The following PCNX2 variants were observed in gnomAD, a reference collection of about 807,000 sequenced individuals.
PCNX2 encodes the protein pecanex 2.
A neutral mutation model predicts 223.8 loss-of-function variants in PCNX2; 168 were observed. That is an observed-to-expected ratio of 0.75 (90% CI 0.66 to 0.85). PCNX2 has a LOEUF of 0.85. Ranked by LOEUF, PCNX2 falls within the 40% of genes least tolerant of loss-of-function variation. The probability of loss-of-function intolerance (pLI) is 0.00; values close to 1 mark genes in which losing one functional copy is unlikely to be tolerated. For synonymous variants in PCNX2, 1,006 were observed against 1,052.6 expected (o/e 0.96, Z 0.86); for missense variants, 2,507 against 2,675.5 (o/e 0.94, Z 1.39).
the PCNX2 span, among the ~76,000 whole-genome samples, chr1:233,323,947 C>T: frequency 6.6e-6 from 1 of 152,318 alleles, no homozygotes; most frequent in South Asian, 2.1e-4. Context: ...TTGCCCAAGT[C>T]ATGAATGCAA....
intron 25 of PCNX2, among the ~76,000 whole-genome samples, chr1:233,026,363 T>C (rs1246060422): frequency 6.6e-6 from 1 of 152,176 alleles, no homozygotes; most frequent in Non-Finnish European, 1.5e-5. Flanking sequence ...AAGTAGTAGA[T>C]GAAGCAGAGA....
Position 233,229,875 on chromosome 1 carries a change from T to C in PCNX2, c.2359-2504A>G, listed in dbSNP as rs114533189. Among the ~76,000 whole-genome samples, 898 of 152,268 alleles carry C rather than the reference T, an allele frequency of 5.9e-3. 9 individuals carry two copies. The highest frequency in any genetic ancestry group is 0.02 in the African/African-American group (839 of 41,566). ...TTCTTTTATGGGAAAAAAAGGTTCA[T>C]AGAATTTTATTTTTTTGCCTTAGAT... On this transcript the variant is annotated intron_variant, in intron 9 of 33. Transcript: ENST00000258229.
At chr1:233,088,209 C>G (rs1673698865) in intron 23 of PCNX2, among the ~76,000 whole-genome samples, 1 of 152,158 alleles carries the variant, frequency 6.6e-6, no homozygotes, top group African/African-American at 2.4e-5. Flanking sequence ...ACTGCGGACA[C>G]TTAAAATCCT....
chr1:233,210,830 G>C (rs541808812), intron 12 of PCNX2, among the ~76,000 whole-genome samples: 1 of 152,316 alleles, frequency 6.6e-6, no homozygotes, highest in East Asian at 1.9e-4. Flanking sequence ...GTGGAATTCA[G>C]CTGGGGAGCA....
Position 233,096,005 on chromosome 1 carries a change from TCTCATGTGGAATGCAG to T in PCNX2, c.3838-158_3838-143del, listed in dbSNP as rs1336644737. On this transcript the variant is annotated intron_variant, in intron 21 of 33. Transcript: ENST00000258229. ...GCCCTCTTACTGTGATCTTCCTGCA[TCTCATGTGGAATGCAG>T]CCATTTAATGATATTTTGAAACAGC... 4.8e-6 allele frequency: 3 copies of T among 627,352 alleles called. No homozygotes were observed. In the African/African-American group the frequency reaches 5.5e-5, roughly 12 times the overall value. 38.9% of individuals were successfully genotyped at this position (627,352 alleles called of 1,614,324 possible).
chr1:233,117,294 A>G (rs1675465479), intron 21 of PCNX2, among the ~76,000 whole-genome samples: 1 of 152,154 alleles, frequency 6.6e-6, no homozygotes. Context: ...TGAAGCTAGT[A>G]TTACCCTAAT....
intron 1 of PCNX2, among the ~76,000 whole-genome samples, chr1:233,280,961 C>T (rs142445594): frequency 6.5e-5 from 6 of 92,092 alleles, no homozygotes; most frequent in African/African-American, 2.2e-4. Context: ...ACATCTCTCA[C>T]GATCATCACC....
chr1:233,258,751 G>C lies in PCNX2; in HGVS notation c.1111C>G (p.His371Asp). 1 of 1,613,922 alleles carries C rather than the reference G, an allele frequency of 6.2e-7. No individual in the cohort carries two copies. Among genetic ancestry groups the C allele is most frequent in the Non-Finnish European group, 8.5e-7 (1 of 1,179,900 alleles). Residue 371 changes from histidine (H) to aspartate (D), a missense_variant, in exon 5 of 34, where the codon CAT (histidine) becomes GAT (aspartate). Physicochemically the swap from His to Asp is moderately conservative, Grantham distance 81. Transcript: ENST00000258229. ...TSQPGDPLSL[H>D]EPIKIVITMS... ...GTGATAACAATTTTTATGGGCTCAT[G>C]TAGACTCAGTGGGTCTCCGGGTTGA...
At position 233,053,662 on chromosome 1, in the gene PCNX2, A is replaced by G. The variant is rs1672086641; in HGVS notation, c.4351+606T>C. Reference sequence around the variant, plus strand: ...CATAGGAGAAGGCAACAGGTACATCACTTATGCCACTTTCTGCATCCCGCA... The same window carrying G: ...CATAGGAGAAGGCAACAGGTACATCGCTTATGCCACTTTCTGCATCCCGCA... On this transcript the variant is annotated intron_variant, in intron 25 of 33. Coordinates refer to ENST00000258229, the MANE Select transcript of PCNX2 (RefSeq NM_014801.4). 3.3e-5 allele frequency among the ~76,000 whole-genome samples: 5 copies of G among 152,152 alleles called. No individual in the cohort carries two copies. The South Asian group carries it at 1.0e-3, about 32-fold the overall frequency.
In PCNX2 at chr1:233,258,333, C is replaced by A; in HGVS notation, c.1529G>T (p.Gly510Val). ...AGACGATGGGTCAAGGTTAGTCTGG[C>A]CTTCCTTCCCCACCTTAGACTCGGA... ...TGSESKVGKE[G>V]QTNLDPSSCK... The change falls in exon 5 of 34, where the codon GGC becomes GTC. Residue 510 changes from glycine to valine, a missense_variant. By Grantham distance (109) the Gly-to-Val change is moderately radical. Around this residue, in one of 3 missense-constraint regions of PCNX2, gnomAD observed 1,031 missense variants for 1,021.7 expected, o/e 1.01. Coordinates refer to ENST00000258229, the MANE Select transcript of PCNX2 (RefSeq NM_014801.4). 1 of 1,614,028 alleles carries A rather than the reference C, an allele frequency of 6.2e-7. No homozygotes were observed. Among genetic ancestry groups the A allele is most frequent in the Non-Finnish European group, 8.5e-7 (1 of 1,179,896 alleles).
At position 233,252,805 on chromosome 1, in the gene PCNX2, TAC is replaced by T; in HGVS notation, c.1835-19_1835-18del. The stretch of plus-strand genomic sequence containing the variant: ...AACAGTTATCTGAAAAACATTGCTT[TAC>T]TTGTTAATTTAATATAAAATAAATC... On this transcript the variant is annotated intron_variant, in intron 5 of 33. Coordinates refer to ENST00000258229, the MANE Select transcript of PCNX2 (RefSeq NM_014801.4). The T allele has an allele frequency of 6.4e-7, 1 of 1,572,404 alleles. No homozygotes were observed. Among genetic ancestry groups the T allele is most frequent in the Non-Finnish European group, 8.6e-7 (1 of 1,163,302 alleles).
At chr1:233,072,888 C>T (rs148904555) in intron 23 of PCNX2, among the ~76,000 whole-genome samples, 59 of 152,224 alleles carry the variant, frequency 3.9e-4, no homozygotes, top group African/African-American at 1.3e-3. Flanking sequence ...ATGATACTGG[C>T]CCCACAGAAT....
rs1553268872 is a variant in PCNX2 at position 232,984,135 on chromosome 1, T to TTC, written c.*168_*169insGA. On this transcript the variant is annotated 3_prime_UTR_variant, in exon 34 of 34. Transcript: ENST00000258229. ...TTTTTTTTTTTTTTTTTTTTTTTTT[T>TTC]CAAAAACCTGAGATCAGTTCTGTGT... 5.8e-5 allele frequency: 7 copies of TTC among 120,314 alleles called. No individual in the cohort carries two copies. The highest frequency in any genetic ancestry group is 2.7e-4 in the South Asian group (1 of 3,672). The allele number at this position is 120,314 out of a possible 1,614,324, so 7.5% of individuals were successfully genotyped here.
At chr1:233,015,608 G>A (rs1404211336) in intron 27 of PCNX2, among the ~76,000 whole-genome samples, 4 of 152,100 alleles carry the variant, frequency 2.6e-5, no homozygotes, top group Non-Finnish European at 4.4e-5. Flanking sequence ...CAGGAGAGTC[G>A]CTGGAACCCG....
chr1:233,003,560 T>C (rs1670166977), intron 28 of PCNX2, among the ~76,000 whole-genome samples: 1 of 152,170 alleles, frequency 6.6e-6, no homozygotes, highest in African/African-American at 2.4e-5. Context: ...AGTGGGAGTG[T>C]AAATTAGTTC....
intron 26 of PCNX2, 23 bp downstream of exon 26, chr1:233,025,123 G>A (rs1465208334): frequency 3.1e-6 from 5 of 1,612,630 alleles, no homozygotes; most frequent in Non-Finnish European, 4.2e-6. Context: ...TCTGCCTTAG[G>A]TGTTTGGGAA....
chr1:233,056,438 C>T (rs1230163722), intron 24 of PCNX2, among the ~76,000 whole-genome samples: 4 of 152,232 alleles, frequency 2.6e-5, no homozygotes, highest in African/African-American at 9.6e-5. Context: ...GGGAAACTGT[C>T]CCTCTGCCTT....
chr1:233,129,158 C>A (rs551368941), intron 21 of PCNX2, among the ~76,000 whole-genome samples: 2 of 152,230 alleles, frequency 1.3e-5, no homozygotes, highest in East Asian at 1.9e-4. Context: ...CTGTGCGTGG[C>A]GCTTGTGGGC....
chr1:233,127,944 A>G (rs979422143), intron 21 of PCNX2, among the ~76,000 whole-genome samples: 2 of 152,232 alleles, frequency 1.3e-5, no homozygotes, highest in Non-Finnish European at 2.9e-5. Context: ...GTACTTCTGT[A>G]TAAGTATGTA....
Sources: allele counts gnomAD v4.1 joint callset (sites outside exome capture counted in the v4.1 genomes callset), GRCh38; gene constraint gnomAD v4.1.1; regional missense constraint gnomAD v4.1.1; transcripts MANE v1.5; gene names NCBI Gene and HGNC (gene_info 2026-07-23, HGNC 2026-07-21).